The following RMDN2 variants were observed in gnomAD, a reference collection of about 807,000 sequenced individuals.
The protein encoded by RMDN2 is regulator of microtubule dynamics protein 2.
Under a neutral mutation model 52.8 loss-of-function variants are expected in RMDN2, and 61 were observed. That is an observed-to-expected ratio of 1.16 (90% CI 0.94 to 1.43). The LOEUF (loss-of-function observed/expected upper bound fraction) is 1.43. Ranked by LOEUF, RMDN2 falls within the 40% of genes most tolerant of loss-of-function variation. The pLI is 0.00. For synonymous variants in RMDN2, 180 were observed against 153.1 expected (o/e 1.18, Z -1.30); for missense variants, 592 against 475.3 (o/e 1.25, Z -2.28).
chr2:37,939,266 T>C (rs961808800), intron 2 of RMDN2, among the ~76,000 whole-genome samples: 32 of 151,948 alleles, frequency 2.1e-4, no homozygotes, highest in African/African-American at 6.5e-4. Context: ...GAGACTGTTA[T>C]GATTTCCATT....
chr2:37,975,262 C>A lies in RMDN2; in HGVS notation c.678C>A (p.Asp226Glu). Residue 226 changes from aspartate (D) to glutamate (E), a missense_variant, in exon 4 of 11, where the codon GAC becomes GAA. Transcript: ENST00000354545. The stretch of plus-strand genomic sequence containing the variant: ...GGCGATTTGCTCGTGCTTATGGAGA[C>A]ATGTATGAACTATCTACAAACACAC... ...FMWRFARAYG[D>E]MYELSTNTQE... is the part of the protein sequence containing the mutation. 1 of 1,610,560 alleles carries A rather than the reference C, an allele frequency of 6.2e-7. No individual in the cohort carries two copies. Among genetic ancestry groups the A allele is most frequent in the Non-Finnish European group, 8.5e-7 (1 of 1,177,018 alleles).
intron 8 of RMDN2, 102 bp downstream of exon 8, chr2:37,997,616 G>A (rs1233813182): frequency 2.6e-6 from 2 of 780,464 alleles, no homozygotes; most frequent in Admixed American, 2.2e-5. Flanking sequence ...TGGAGCCTCA[G>A]TTTGAATCCT....
intron 10 of RMDN2, among the ~76,000 whole-genome samples, chr2:38,048,927 A>C (rs1378489576): frequency 6.6e-6 from 1 of 152,256 alleles, no homozygotes; most frequent in African/African-American, 2.4e-5. Flanking sequence ...ACTCATTATG[A>C]TCATTCCACA....
chr2:37,995,749 G>A (rs1238093384), intron 7 of RMDN2, among the ~76,000 whole-genome samples: 2 of 152,174 alleles, frequency 1.3e-5, no homozygotes, highest in Non-Finnish European at 2.9e-5. Flanking sequence ...TGTGAAACTA[G>A]TCTTAATACA....
At chr2:38,015,112 T>G (rs1271836263) in intron 10 of RMDN2, among the ~76,000 whole-genome samples, 1 of 152,230 alleles carries the variant, frequency 6.6e-6, no homozygotes, top group Admixed American at 6.5e-5. Flanking sequence ...AAGGAAGCTC[T>G]GAGCTCCCGA....
At chr2:37,922,874 T>C (rs1436838649), upstream of RMDN2, among the ~76,000 whole-genome samples, 1 of 152,116 alleles carries the variant, frequency 6.6e-6, no homozygotes, top group African/African-American at 2.4e-5. Context: ...AGGATACAGC[T>C]TGTGGAGAGA....
chr2:37,968,438 C>CA (rs71400332), intron 2 of RMDN2, among the ~76,000 whole-genome samples: 7,179 of 88,712 alleles, frequency 0.081, 345 homozygotes, highest in African/African-American at 0.09. Context: ...GACTCTGTCT[C>CA]AAAAAAAAAA....
chr2:38,011,444 A>C (rs1677979216), intron 10 of RMDN2, among the ~76,000 whole-genome samples: 1 of 152,158 alleles, frequency 6.6e-6, no homozygotes, highest in Non-Finnish European at 1.5e-5. Flanking sequence ...AAACACTATC[A>C]TCCTCTAAAT....
intron 10 of RMDN2, among the ~76,000 whole-genome samples, chr2:38,061,341 G>A (rs1232543276): frequency 6.6e-6 from 1 of 152,180 alleles, no homozygotes; most frequent in Non-Finnish European, 1.5e-5. Context: ...CAGTGCCATC[G>A]GCCAAGCCAG....
chr2:38,026,847 G>T (rs1263126371), intron 10 of RMDN2: 5 of 151,900 alleles, frequency 3.3e-5, no homozygotes, highest in African/African-American at 9.7e-5. Flanking sequence ...ATATTTTCAT[G>T]TTCATTCAAT....
intron 4 of RMDN2, among the ~76,000 whole-genome samples, chr2:37,977,285 CA>C (rs776357635): frequency 3.3e-5 from 5 of 152,252 alleles, no homozygotes; most frequent in Non-Finnish European, 7.3e-5. Context: ...TTCTTTTCCC[CA>C]CATTTCCCCC....
intron 2 of RMDN2, among the ~76,000 whole-genome samples, chr2:37,972,660 G>A (rs763161688): frequency 3.3e-5 from 5 of 152,212 alleles, no homozygotes; most frequent in Non-Finnish European, 7.3e-5. Flanking sequence ...GCAAAGAGGT[G>A]TGATAAGGGG....
At chr2:37,938,475 G>T (rs577061541) in intron 2 of RMDN2, among the ~76,000 whole-genome samples, 2 of 152,002 alleles carry the variant, frequency 1.3e-5, no homozygotes, top group South Asian at 2.1e-4. Context: ...GAATGGTACC[G>T]CTCCACTTTG....
chr2:37,950,759 G>A (rs574051626), intron 2 of RMDN2, among the ~76,000 whole-genome samples: 1 of 152,006 alleles, frequency 6.6e-6, no homozygotes, highest in Non-Finnish European at 1.5e-5. Context: ...TTCATCCATG[G>A]TTAATATTTT....
rs771867308 is a variant in RMDN2 at position 37,934,493 on chromosome 2, A to G, written c.452+4764A>G. 3.9e-5 allele frequency among the ~76,000 whole-genome samples: 6 copies of G among 152,144 alleles called. No individual in the cohort carries two copies. In the South Asian group the frequency reaches 6.2e-4, roughly 16 times the overall value. On this transcript the variant is annotated intron_variant, in intron 2 of 10. Transcript: ENST00000354545. ...TAGCACTAGTGTTAACATTTTGGAA[A>G]GCATCTTTGCTTCTTGGTAATCACA...
chr2:38,000,434 A>T lies in RMDN2; in HGVS notation c.1044+2920A>T, dbSNP rs143856341. ...TATATACCTATGTAACCACCACTGT[A>T]ACCACCACCATTTCAAGATAGCATT... On this transcript the variant is annotated intron_variant, in intron 8 of 10. Coordinates refer to ENST00000354545, the MANE Select transcript of RMDN2 (RefSeq NM_001170791.3). Among the ~76,000 whole-genome samples, 1,057 of 152,320 alleles carry T rather than the reference A, an allele frequency of 6.9e-3. 6 individuals carry two copies. Among genetic ancestry groups the T allele is most frequent in the African/African-American group, 0.024 (1,001 of 41,572 alleles).
intron 5 of RMDN2, among the ~76,000 whole-genome samples, chr2:37,983,450 C>G (rs1308616393): frequency 7.9e-5 from 12 of 151,906 alleles, no homozygotes; most frequent in Non-Finnish European, 2.9e-5. Flanking sequence ...AGCATTTAAC[C>G]CCAGTATTAA....
At chr2:37,984,507 C>G (rs1673739977) in intron 5 of RMDN2, among the ~76,000 whole-genome samples, 1 of 152,152 alleles carries the variant, frequency 6.6e-6, no homozygotes, top group African/African-American at 2.4e-5. Context: ...GATTAGTAAT[C>G]AGAGCAATAC....
intron 2 of RMDN2, among the ~76,000 whole-genome samples, chr2:37,932,698 C>A (rs1175006051): frequency 1.3e-5 from 2 of 148,322 alleles, no homozygotes; most frequent in East Asian, 2.0e-4. Flanking sequence ...CTGACCCCCC[C>A]CACCTCCCTC....
Sources: allele counts gnomAD v4.1 joint callset (sites outside exome capture counted in the v4.1 genomes callset), GRCh38; gene constraint gnomAD v4.1.1; transcripts MANE v1.5; gene names NCBI Gene and HGNC (gene_info 2026-07-23, HGNC 2026-07-21).